The following ZNF692 variants were observed in gnomAD, a reference collection of about 807,000 sequenced individuals.
ZNF692 encodes zinc finger protein 692.
In ZNF692, 41 loss-of-function variants were observed where a neutral mutation model predicts 49.0. That is an observed-to-expected ratio of 0.84 (90% confidence interval 0.65 to 1.08). ZNF692 has a LOEUF of 1.08. ZNF692 is among the 50% of genes least tolerant of loss of function. The pLI is 0.00. For missense variants in ZNF692, 662 were observed against 662.2 expected (o/e 1.00, Z 0.00); for synonymous variants, 288 against 251.5 (o/e 1.15, Z -1.37).
rs759779169 is a variant in ZNF692 at position 248,857,478 on chromosome 1, T to C, written c.231A>G (p.Pro77=). ...VLCAGPEPLP[P]KGLQYLVLLS... ...AGAGCACCAGATACTGCAGACCTTT[T>C]GGAGGCAAAGGCTCAGGACCTGGAG... Residue 77 remains proline (P), a synonymous_variant, in exon 4 of 12, where the codon CCA becomes CCG. Coordinates refer to ENST00000306601, the MANE Select transcript of ZNF692 (RefSeq NM_017865.4). 1.9e-5 allele frequency: 30 copies of C among 1,613,622 alleles called. No individual in the cohort carries two copies. Among genetic ancestry groups the C allele is most frequent in the African/African-American group, 2.7e-5 (2 of 74,992 alleles).
Position 248,855,868 on chromosome 1 carries a change from A to G in ZNF692, c.738T>C (p.Pro246=). The G allele has an allele frequency of 6.2e-7, 1 of 1,614,212 alleles. No homozygotes were observed. The highest frequency in any genetic ancestry group is 8.5e-7 in the Non-Finnish European group (1 of 1,180,040). ...CAGCAAGAGGACTGGAGAGTGCTGC[A>G]GGGGCTGGTGGTGTCTCCCCCTCTT... is the stretch of plus-strand genomic sequence containing the variant. The part of the protein sequence containing the change: ...TPKEGETPPA[P]AALSSPLAVP... The change falls in exon 7 of 12, where the codon CCT becomes CCC. Residue 246 remains proline (P), a synonymous_variant. Coordinates refer to ENST00000306601, the MANE Select transcript of ZNF692 (RefSeq NM_017865.4).
In ZNF692 at chr1:248,856,378, T is replaced by C. The variant is rs139029646; in HGVS notation, c.569A>G (p.Glu190Gly). 6.9e-5 allele frequency: 111 copies of C among 1,612,938 alleles called. No individual in the cohort carries two copies. The East Asian group carries it at 7.8e-4, about 11-fold the overall frequency. Reference sequence around the variant, plus strand: ...ATTGTCCTCTTCTTCCTCACCCTCTTCCTCTCCTGGAGGTGGGAAGGTCTC... The same window carrying C: ...ATTGTCCTCTTCTTCCTCACCCTCTCCCTCTCCTGGAGGTGGGAAGGTCTC... ...PPETFPPPGE[E>G]EGEEEEDNDE... Residue 190 changes from glutamate to glycine, a missense_variant, in exon 6 of 12, where the codon GAA becomes GGA. Glu to Gly is a moderately conservative substitution (Grantham distance 98). Coordinates refer to ENST00000306601, the MANE Select transcript of ZNF692 (RefSeq NM_017865.4).
intron 10 of ZNF692, among the ~76,000 whole-genome samples, chr1:248,851,164 C>T (rs955176781): frequency 6.6e-6 from 1 of 152,074 alleles, no homozygotes; most frequent in Non-Finnish European, 1.5e-5. Context: ...GGGCAGCAGC[C>T]AAGCAGAACC....
chr1:248,854,078 GAGA>G (rs990022576), intron 9 of ZNF692, 27 bp from the exon 10 acceptor site: 1 of 1,573,556 alleles, frequency 6.4e-7, no homozygotes, highest in Non-Finnish European at 8.7e-7. Context: ...GTGGTAGGGA[GAGA>G]AGAGGCAAAA....
At chr1:248,852,608 C>T (rs902771161) in intron 10 of ZNF692, among the ~76,000 whole-genome samples, 1 of 152,230 alleles carries the variant, frequency 6.6e-6, no homozygotes. Context: ...CTTGAATGCA[C>T]TCCGTTCCGG....
In ZNF692 at chr1:248,857,346, G is replaced by A. The variant is rs775285228; in HGVS notation, c.363C>T (p.Ser121=). 1.2e-6 allele frequency: 2 copies of A among 1,614,122 alleles called. No individual in the cohort carries two copies. The highest frequency in any genetic ancestry group is 1.1e-5 in the South Asian group (1 of 91,076). Residue 121 remains serine, a synonymous_variant, in exon 4 of 12, where the codon TCC becomes TCT. Coordinates refer to ENST00000306601, the MANE Select transcript of ZNF692 (RefSeq NM_017865.4). ...VWECSAGHTF[S]WGPSLSPTPS... is the part of the protein sequence containing the mutation. ...GTGTAGGGCTCAAAGAGGGTCCCCA[G>A]GAGAAGGTATGGCCTGCTGAGCACT...
Position 248,855,936 on chromosome 1 carries a change from C to G in ZNF692, c.670G>C (p.Asp224His). ...GGGGAAGGCAGTAGTCTGGGGGCAT[C>G]AGGCTCACTACTGAAAGGAGAACAA... ...YSSSPDDSEP[D>H]APRLLPSPVT... The change falls in exon 7 of 12, where the codon GAT (aspartate) becomes CAT (histidine). Residue 224 changes from aspartate (D) to histidine (H), a missense_variant. Physicochemically the swap from Asp to His is moderately conservative, Grantham distance 81. Coordinates refer to ENST00000306601, the MANE Select transcript of ZNF692 (RefSeq NM_017865.4). 1 of 1,613,926 alleles carries G rather than the reference C, an allele frequency of 6.2e-7. No homozygotes were observed. The highest frequency in any genetic ancestry group is 1.7e-5 in the Admixed American group (1 of 60,018).
rs747630525 is a variant in ZNF692, at chr1:248,857,510, G to C, written c.212-13C>G. 3 of 1,606,696 alleles carry C rather than the reference G, an allele frequency of 1.9e-6. No individual in the cohort carries two copies. The highest frequency in any genetic ancestry group is 2.6e-6 in the Non-Finnish European group (3 of 1,175,786). On this transcript the variant is annotated splice_polypyrimidine_tract_variant and intron_variant, in intron 3 of 11. Transcript: ENST00000306601. Reference sequence around the variant, plus strand: ...AAAGGCTCAGGACCTGGAGGGGTGGGGGAAGCAGTCAGGCTGAACTGGGAA... The same window carrying C: ...AAAGGCTCAGGACCTGGAGGGGTGGCGGAAGCAGTCAGGCTGAACTGGGAA...
At chr1:248,856,918 C>T (rs766986580) in intron 4 of ZNF692, among the ~76,000 whole-genome samples, 27 of 152,256 alleles carry the variant, frequency 1.8e-4, no homozygotes, top group Admixed American at 8.5e-4. Flanking sequence ...TACTGTCCCC[C>T]ATCGCCTACT....
rs1451370239 is a variant in ZNF692, at chr1:248,858,180, G to A, written c.130C>T (p.Arg44Trp). Residue 44 changes from arginine (R) to tryptophan (W), a missense_variant, in exon 2 of 12, where the codon CGG becomes TGG. Physicochemically the swap from Arg to Trp is moderately radical, Grantham distance 101. Transcript: ENST00000306601. This position sits in a 1 kb window ranked among gnomAD's most constrained non-coding sequence, Gnocchi z 4.3. ...TGCGAGTGCAGGGAGAAGCCCAGCC[G>A]CTCCTTGAGGAGGCACCACTGCTCC... ...HMEQWCLLKE[R>W]LGFSLHSQLA... 1.3e-6 allele frequency: 2 copies of A among 1,577,924 alleles called. No individual in the cohort carries two copies. Among genetic ancestry groups the A allele is most frequent in the Non-Finnish European group, 8.6e-7 (1 of 1,162,142 alleles).
Position 248,856,356 on chromosome 1 carries a change from G to A in ZNF692, c.591C>T (p.Asp197=). The A allele has an allele frequency of 1.2e-6, 2 of 1,612,324 alleles. No individual in the cohort carries two copies. The highest frequency in any genetic ancestry group is 1.7e-4 in the Middle Eastern group (1 of 6,056). ...GCATCTCCTCTTCATCCTCATCATT[G>A]TCCTCTTCTTCCTCACCCTCTTCCT... ...PGEEEGEEEE[D]NDEDEEEMLS... is the part of the protein sequence containing the mutation. The change falls in exon 6 of 12, where the codon GAC becomes GAT. Residue 197 remains aspartate (D), a synonymous_variant. Coordinates refer to ENST00000306601, the MANE Select transcript of ZNF692 (RefSeq NM_017865.4).
At chr1:248,856,763 T>C (rs912704957) in intron 4 of ZNF692, among the ~76,000 whole-genome samples, 23 of 152,138 alleles carry the variant, frequency 1.5e-4, no homozygotes, top group South Asian at 2.1e-4. Flanking sequence ...GCTAGGATTA[T>C]AGGTGTGAAC....
chr1:248,858,747 T>A lies in ZNF692; in HGVS notation c.-13+171A>T, dbSNP rs565203040. ...GTGCAGCTGGGGGCGCTCTTCATAG[T>A]TGGGTCGAGTGGCGGTGAGGCCGTG... On this transcript the variant is annotated intron_variant, in intron 1 of 11. Coordinates refer to ENST00000306601, the MANE Select transcript of ZNF692 (RefSeq NM_017865.4). This position sits in a 1 kb window ranked among gnomAD's most constrained non-coding sequence, Gnocchi z 4.3. 21 of 636,706 alleles carry A rather than the reference T, an allele frequency of 3.3e-5. No homozygotes were observed. The South Asian group carries it at 3.9e-4, about 12-fold the overall frequency. The allele number at this position is 636,706 out of a possible 1,614,324, so 39.4% of individuals were successfully genotyped here.
rs778450925 is a variant in ZNF692, at chr1:248,850,462, C to T, written c.1308G>A (p.Gln436=). 1 of 1,613,392 alleles carries T rather than the reference C, an allele frequency of 6.2e-7. No homozygotes were observed. The highest frequency in any genetic ancestry group is 1.7e-5 in the Admixed American group (1 of 59,992). ...CRQKASLNWH[Q]RKHAETVAAL... ...CAGCCACCGTCTCTGCATGCTTGCG[C>T]TGGTGCCAGTTCAGGGAAGCCTTCT... The change falls in exon 12 of 12, where the codon CAG becomes CAA. Residue 436 remains glutamine (Q), a synonymous_variant. Transcript: ENST00000306601.
At chr1:248,854,874 G>A (rs371225024) in intron 9 of ZNF692, among the ~76,000 whole-genome samples, 3 of 152,026 alleles carry the variant, frequency 2.0e-5, no homozygotes, top group Non-Finnish European at 4.4e-5. Flanking sequence ...TTCTGTGGGC[G>A]GCATTCTCCC....
Position 248,858,227 on chromosome 1 carries a change from C to T in ZNF692, c.83G>A (p.Arg28His). The T allele has an allele frequency of 1.9e-6, 3 of 1,591,636 alleles. No homozygotes were observed. Among genetic ancestry groups the T allele is most frequent in the Non-Finnish European group, 1.7e-6 (2 of 1,169,538 alleles). Residue 28 changes from arginine to histidine, a missense_variant, in exon 2 of 12, where the codon CGC (arginine) becomes CAC (histidine). Arg to His is a conservative substitution (Grantham distance 29). Transcript: ENST00000306601. This position sits in a 1 kb window ranked among gnomAD's most constrained non-coding sequence, Gnocchi z 4.3. Reference protein sequence around the residue: ...RQLDARRSKCRIRLGGHMEQW... With the variant: ...RQLDARRSKCHIRLGGHMEQW... ...CTCCATGTGGCCGCCCAGGCGGATGCGGCACTTGCTGCGGCGCGCGTCCAG... is the reference window on the plus strand; with the variant it reads ...CTCCATGTGGCCGCCCAGGCGGATGTGGCACTTGCTGCGGCGCGCGTCCAG...
intron 10 of ZNF692, among the ~76,000 whole-genome samples, chr1:248,853,149 C>T (rs1041830836): frequency 2.0e-5 from 3 of 152,164 alleles, no homozygotes; most frequent in Non-Finnish European, 4.4e-5. Flanking sequence ...CACGGCAGCT[C>T]GTTTGGCTCC....
chr1:248,852,772 A>AC (rs1659745481), intron 10 of ZNF692, among the ~76,000 whole-genome samples: 1 of 152,036 alleles, frequency 6.6e-6, no homozygotes, highest in Non-Finnish European at 1.5e-5. Flanking sequence ...TTCTATACTC[A>AC]GTTCCTCAAA....
In ZNF692 at chr1:248,858,773, G is replaced by C; in HGVS notation, c.-13+145C>G. The C allele has an allele frequency of 1.6e-6, 1 of 609,794 alleles. No homozygotes were observed. 37.8% of individuals were successfully genotyped at this position (609,794 alleles called of 1,614,324 possible). A position where few individuals can be genotyped will look rare whatever the true frequency, so the allele number is the denominator to read the frequency against. ...TGGGTCGAGTGGCGGTGAGGCCGTG[G>C]TCAGAGGTCTGGAGGGCGCCCCCCA... On this transcript the variant is annotated intron_variant, in intron 1 of 11. Transcript: ENST00000306601. This position sits in a 1 kb window ranked among gnomAD's most constrained non-coding sequence, Gnocchi z 4.3.
Sources: gnomAD v4.1 joint callset for allele counts (sites outside exome capture counted in the v4.1 genomes callset) on GRCh38, gnomAD v4.1.1 for gene constraint, Gnocchi (gnomAD v3.1) non-coding constraint, MANE v1.5 for transcripts, NCBI Gene and HGNC (gene_info 2026-07-23, HGNC 2026-07-21) for gene names.